DMRT1: variants seen among roughly 807,000 people sequenced by gnomAD.
DMRT1 encodes doublesex and mab-3 related transcription factor 1.
DMRT1 carries 7 observed loss-of-function variants against 32.3 expected under a neutral mutation model. That is an observed-to-expected ratio of 0.22 (90% confidence interval 0.12 to 0.41). DMRT1 has a LOEUF of 0.41. DMRT1 is among the 10% of genes least tolerant of loss of function. The probability of loss-of-function intolerance (pLI) is 1.00; values close to 1 mark genes in which losing one functional copy is unlikely to be tolerated. For missense variants in DMRT1, 625 were observed against 500.5 expected (o/e 1.25, Z -2.37); for synonymous variants, 278 against 206.1 (o/e 1.35, Z -2.99).
At chr9:907,350 T>A (rs1488197784) in intron 3 of DMRT1, among the ~76,000 whole-genome samples, 1 of 152,182 alleles carries the variant, frequency 6.6e-6, no homozygotes, top group East Asian at 1.9e-4. Flanking sequence ...GTATTTTAGA[T>A]TTGTGAACTA....
chr9:892,812 C>T (rs905589272), intron 2 of DMRT1, among the ~76,000 whole-genome samples: 4 of 152,164 alleles, frequency 2.6e-5, no homozygotes, highest in Non-Finnish European at 5.9e-5. Flanking sequence ...CTACATGTCT[C>T]CTTCCCTTTT....
In DMRT1 at chr9:879,832, A is replaced by C. The variant is rs368564142; in HGVS notation, c.539-14080A>C. Among the ~76,000 whole-genome samples the C allele has an allele frequency of 2.1e-4, 32 of 152,270 alleles. No homozygotes were observed. In the South Asian group the frequency reaches 6.2e-3, roughly 30 times the overall value. On this transcript the variant is annotated intron_variant, in intron 2 of 4. Coordinates refer to ENST00000382276, the MANE Select transcript of DMRT1 (RefSeq NM_021951.3). Reference sequence around the variant, plus strand: ...CGTGTATGACTTTATAACATTATGCATTGGTCATTTGGGAAATACTACTTC... The same window carrying C: ...CGTGTATGACTTTATAACATTATGCCTTGGTCATTTGGGAAATACTACTTC...
chr9:908,237 C>G (rs1189180156), intron 3 of DMRT1, among the ~76,000 whole-genome samples: 1 of 152,052 alleles, frequency 6.6e-6, no homozygotes, highest in African/African-American at 2.4e-5. Flanking sequence ...GAGAGGATCA[C>G]TTGAGGCCAG....
intron 2 of DMRT1, among the ~76,000 whole-genome samples, chr9:852,309 A>G (rs965226862): frequency 2.0e-5 from 3 of 151,804 alleles, no homozygotes; most frequent in Non-Finnish European, 2.9e-5. Context: ...AAAAAGATAA[A>G]TGATTTTGAC....
intron 4 of DMRT1, among the ~76,000 whole-genome samples, chr9:941,338 C>CCCCACA (rs1554760857): frequency 6.6e-5 from 9 of 135,472 alleles, no homozygotes; most frequent in African/African-American, 1.5e-4. Flanking sequence ...CTCCCCCCCC[C>CCCCACA]CACACATATG....
At chr9:895,863 G>A (rs1457645904) in intron 3 of DMRT1, among the ~76,000 whole-genome samples, 1 of 146,814 alleles carries the variant, frequency 6.8e-6, no homozygotes, top group African/African-American at 2.5e-5. Context: ...GGAGTACAGT[G>A]GCGCGATCTC....
intron 2 of DMRT1, among the ~76,000 whole-genome samples, chr9:855,138 T>A (rs957873894): frequency 6.6e-6 from 1 of 152,070 alleles, no homozygotes; most frequent in African/African-American, 2.4e-5. Context: ...TAGTCTTTGC[T>A]TATATGTCAA....
rs1007490611 is a variant in DMRT1 at position 937,819 on chromosome 9, A to G, written c.967+20912A>G. ...GTTGTCTTTTTACTCTCTTTTTAGT[A>G]TCTTTTGCACAAAAGTTTTTTTTTT... On this transcript the variant is annotated intron_variant, in intron 4 of 4. Transcript: ENST00000382276. Among the ~76,000 whole-genome samples, 6 of 151,102 alleles carry G rather than the reference A, an allele frequency of 4.0e-5. No homozygotes were observed. The South Asian group carries it at 1.0e-3, about 26-fold the overall frequency.
chr9:932,657 A>T (rs1421806474), intron 4 of DMRT1, among the ~76,000 whole-genome samples: 1 of 152,146 alleles, frequency 6.6e-6, no homozygotes, highest in South Asian at 2.1e-4. Flanking sequence ...GCTCAGTCCC[A>T]CAAAACTGCC....
intron 4 of DMRT1, among the ~76,000 whole-genome samples, chr9:918,196 G>A (rs1818242617): frequency 6.6e-6 from 1 of 152,208 alleles, no homozygotes; most frequent in African/African-American, 2.4e-5. Context: ...GTAAGGGCGT[G>A]CAAGCATGAA....
chr9:913,858 A>T (rs1818076791), intron 3 of DMRT1, among the ~76,000 whole-genome samples: 1 of 151,842 alleles, frequency 6.6e-6, no homozygotes, highest in Admixed American at 6.6e-5. Context: ...GTGCCATTGC[A>T]CTCCAGCCTG....
chr9:945,046 T>A (rs1044789585), intron 4 of DMRT1, among the ~76,000 whole-genome samples: 1 of 152,174 alleles, frequency 6.6e-6, no homozygotes, highest in Non-Finnish European at 1.5e-5. Context: ...TACTACAAGT[T>A]TTATCCACAA....
intron 4 of DMRT1, among the ~76,000 whole-genome samples, chr9:934,923 C>G (rs1818837430): frequency 6.6e-6 from 1 of 152,188 alleles, no homozygotes; most frequent in African/African-American, 2.4e-5. Context: ...ACCTTGATCT[C>G]TCTGGTGAAT....
chr9:928,987 G>A (rs1300556779), intron 4 of DMRT1, among the ~76,000 whole-genome samples: 1 of 151,864 alleles, frequency 6.6e-6, no homozygotes, highest in Non-Finnish European at 1.5e-5. Context: ...ACAGGTGCAT[G>A]CTACCAAGCC....
At chr9:900,114 A>G (rs1817515329) in intron 3 of DMRT1, among the ~76,000 whole-genome samples, 1 of 152,056 alleles carries the variant, frequency 6.6e-6, no homozygotes, top group South Asian at 2.1e-4. Context: ...GAGTCTTGGG[A>G]GAAGGCTGCT....
intron 4 of DMRT1, among the ~76,000 whole-genome samples, chr9:939,356 T>G (rs1395076893): frequency 1.3e-5 from 2 of 152,174 alleles, no homozygotes; most frequent in African/African-American, 4.8e-5. Context: ...CCCTACCCAG[T>G]CCTCCTAACT....
rs115490910 is a variant in DMRT1 at position 936,075 on chromosome 9, G to A, written c.967+19168G>A. 7.8e-3 allele frequency among the ~76,000 whole-genome samples: 1,181 copies of A among 152,226 alleles called. 14 individuals carry two copies. The highest frequency in any genetic ancestry group is 0.026 in the African/African-American group (1,067 of 41,530). On this transcript the variant is annotated intron_variant, in intron 4 of 4. Coordinates refer to ENST00000382276, the MANE Select transcript of DMRT1 (RefSeq NM_021951.3). ...CATATGTGGCAACAATGCAGAGCTCGGAAAAGCATGGCTTCTTGTCCCAGT... is the reference window on the plus strand; with the variant it reads ...CATATGTGGCAACAATGCAGAGCTCAGAAAAGCATGGCTTCTTGTCCCAGT...
At chr9:913,765 T>C (rs909853342) in intron 3 of DMRT1, among the ~76,000 whole-genome samples, 4 of 152,056 alleles carry the variant, frequency 2.6e-5, no homozygotes, top group Non-Finnish European at 5.9e-5. Flanking sequence ...TGGTGGGGCA[T>C]GTCTGTAGAG....
chr9:878,827 C>T (rs1416974643), intron 2 of DMRT1, among the ~76,000 whole-genome samples: 1 of 152,150 alleles, frequency 6.6e-6, no homozygotes, highest in Non-Finnish European at 1.5e-5. Flanking sequence ...ATATAATTCT[C>T]AAGTAGTAGT....
Sources: gnomAD v4.1 joint callset for allele counts (sites outside exome capture counted in the v4.1 genomes callset) on GRCh38, gnomAD v4.1.1 for gene constraint, MANE v1.5 for transcripts, NCBI Gene and HGNC (gene_info 2026-07-23, HGNC 2026-07-21) for gene names.